AMOT: variants seen among roughly 807,000 people sequenced by gnomAD.
AMOT encodes angiomotin.
AMOT carries 11 observed loss-of-function variants against 67.0 expected under a neutral mutation model. That is an observed-to-expected ratio of 0.16 (90% CI 0.10 to 0.27). AMOT has a LOEUF of 0.27. AMOT is among the 10% of genes least tolerant of loss of function. The pLI is 1.00. For missense variants in AMOT, 753 were observed against 852.0 expected (o/e 0.88, Z 1.45); for synonymous variants, 326 against 321.4 (o/e 1.01, Z -0.15).
chrX:112,823,346 G>A (rs1934762885), intron 3 of AMOT, among the ~76,000 whole-genome samples, 158 bp from the exon 4 acceptor site: 2 of 111,820 alleles, frequency 1.8e-5, no homozygotes, highest in African/African-American at 6.5e-5. Flanking sequence ...CCAGGCCCTA[G>A]CACTGATATG....
chrX:112,790,899 AAAG>A lies in AMOT; in HGVS notation c.1927-120_1927-118del, dbSNP rs771519354. 7.3e-4 allele frequency: 493 copies of A among 675,063 alleles called. 1 individual carries two copies. Among genetic ancestry groups the A allele is most frequent in the Admixed American group, 8.9e-4 (18 of 20,270 alleles). 55.6% of individuals were successfully genotyped at this position (675,063 alleles called of 1,213,427 possible). A position where few individuals can be genotyped will look rare whatever the true frequency, so the allele number is the denominator to read the frequency against. On this transcript the variant is annotated intron_variant, in intron 9 of 13. Coordinates refer to ENST00000371959, the MANE Select transcript of AMOT (RefSeq NM_001113490.2). ...TACTTCTGTTTCGACTCTGATTCAG[AAAG>A]AAGCAGGGGGAATTCAGATCTCCTC...
chrX:112,784,294 G>T (rs1054626237), intron 10 of AMOT, among the ~76,000 whole-genome samples: 1 of 112,200 alleles, frequency 8.9e-6, no homozygotes, highest in Non-Finnish European at 1.9e-5. Flanking sequence ...AGTACACTCT[G>T]CCCCTAACAA....
rs768196978 is a variant in AMOT at position 112,802,320 on chromosome X, A to G, written c.1776+2627T>C. On this transcript the variant is annotated intron_variant, in intron 8 of 13. Transcript: ENST00000371959. ...AATTAGCAATTTCCTATATCTGAGG[A>G]TAAGCAAAAGGGATGTTTTCCTTTG... Among the ~76,000 whole-genome samples, 3 of 112,617 alleles carry G rather than the reference A, an allele frequency of 2.7e-5. No homozygotes were observed. The South Asian group carries it at 1.1e-3, about 41-fold the overall frequency.
intron 4 of AMOT, among the ~76,000 whole-genome samples, chrX:112,820,942 C>T (rs1487739361): frequency 9.4e-6 from 1 of 105,830 alleles, no homozygotes; most frequent in Non-Finnish European, 1.9e-5. Flanking sequence ...GGAAATCAAC[C>T]TGGGTTAAGA....
chrX:112,785,637 C>T (rs1489831146), intron 10 of AMOT, among the ~76,000 whole-genome samples: 2 of 111,943 alleles, frequency 1.8e-5, no homozygotes, highest in Non-Finnish European at 3.8e-5. Flanking sequence ...TAAGCCATGC[C>T]TTAGGAAGAC....
At chrX:112,826,014 A>C (rs5973963) in intron 2 of AMOT, among the ~76,000 whole-genome samples, 2,639 of 109,535 alleles carry the variant, frequency 0.024, 86 homozygotes, top group African/African-American at 0.083. Flanking sequence ...AGTAAAAAAA[A>C]CTCATAGACT....
chrX:112,833,541 ATCTGCCTCCCCTAC>A (rs1405855091), intron 1 of AMOT, among the ~76,000 whole-genome samples: 2 of 110,460 alleles, frequency 1.8e-5, no homozygotes, highest in Non-Finnish European at 3.8e-5. Flanking sequence ...TAAAAAAACA[ATCTGCCTCCCCTAC>A]TCTCTCTCTC....
intron 12 of AMOT, among the ~76,000 whole-genome samples, 196 bp from the exon 13 acceptor site, chrX:112,779,876 T>C (rs1933083471): frequency 9.0e-6 from 1 of 110,763 alleles, no homozygotes; most frequent in African/African-American, 3.3e-5. Context: ...TATTTTTGCC[T>C]CCAGGGAACC....
rs774386791 is a variant in AMOT at position 112,807,297 on chromosome X, T to A, written c.1631-2205A>T. On this transcript the variant is annotated intron_variant, in intron 7 of 13. Transcript: ENST00000371959. The stretch of plus-strand genomic sequence containing the variant: ...GACCTAATCATAGGTCTAGAGCACT[T>A]CCCTTTCCCCCAGATTTTACTATCA... Among the ~76,000 whole-genome samples the A allele has an allele frequency of 3.6e-5, 4 of 110,500 alleles. No individual in the cohort carries two copies. In the South Asian group the frequency reaches 1.6e-3, roughly 44 times the overall value.
At chrX:112,798,872 G>A (rs868050589) in intron 8 of AMOT, among the ~76,000 whole-genome samples, 1 of 111,742 alleles carries the variant, frequency 8.9e-6, no homozygotes, top group Non-Finnish European at 1.9e-5. Context: ...GTAATATTTT[G>A]AACCAGTTCC....
intron 4 of AMOT, among the ~76,000 whole-genome samples, chrX:112,817,349 G>C (rs898888295): frequency 8.9e-5 from 10 of 112,348 alleles, no homozygotes; most frequent in African/African-American, 3.2e-4. Flanking sequence ...TTGTTAGCTT[G>C]TTACTTAAAG....
rs34196603 is a variant in AMOT at position 112,788,288 on chromosome X, C to CAA, written c.2117+2302_2117+2303dup. ...TGGGCAACAGAGCGAGACTCCTTCT[C>CAA]AAAAAAAAAAAAAAATTATTTTGAA... On this transcript the variant is annotated intron_variant, in intron 10 of 13. Transcript: ENST00000371959. Among the ~76,000 whole-genome samples, 23 of 72,831 alleles carry CAA rather than the reference C, an allele frequency of 3.2e-4. No homozygotes were observed. The South Asian group carries it at 4.1e-3, about 13-fold the overall frequency. The allele number at this position is 72,831 out of a possible 115,157, so 63.2% of individuals were successfully genotyped here. A position where few individuals can be genotyped will look rare whatever the true frequency, so the allele number is the denominator to read the frequency against.
chrX:112,780,845 T>G (rs775611343), intron 12 of AMOT, 41 bp downstream of exon 12: 5 of 1,169,454 alleles, frequency 4.3e-6, no homozygotes, highest in Admixed American at 4.4e-5. Flanking sequence ...AGGGCTCTCT[T>G]TGAACACGTG....
intron 1 of AMOT, among the ~76,000 whole-genome samples, chrX:112,838,163 C>T (rs923310178): frequency 9.0e-6 from 1 of 111,494 alleles, no homozygotes; most frequent in East Asian, 2.8e-4. Context: ...TCCCCCACTC[C>T]ACCCCCACGC....
At position 112,790,452 on chromosome X, in the gene AMOT, T is replaced by C. The variant is rs1464053393; in HGVS notation, c.2117+140A>G. On this transcript the variant is annotated intron_variant, in intron 10 of 13. Coordinates refer to ENST00000371959, the MANE Select transcript of AMOT (RefSeq NM_001113490.2). ...TCTCTACAGCCGTTCATTCCCTGCATAATCAGATGAAAGAAAACACACTTA... is the reference window on the plus strand; with the variant it reads ...TCTCTACAGCCGTTCATTCCCTGCACAATCAGATGAAAGAAAACACACTTA... 4.7e-6 allele frequency: 3 copies of C among 640,012 alleles called. No homozygotes were observed. The African/African-American group carries it at 6.8e-5, about 14-fold the overall frequency. 52.7% of individuals were successfully genotyped at this position (640,012 alleles called of 1,213,427 possible).
At chrX:112,797,584 C>A (rs1447239908) in intron 8 of AMOT, among the ~76,000 whole-genome samples, 1 of 111,727 alleles carries the variant, frequency 9.0e-6, no homozygotes, top group Admixed American at 9.5e-5. Flanking sequence ...CATTCGGGAC[C>A]AGCCTGCCCA....
intron 8 of AMOT, among the ~76,000 whole-genome samples, chrX:112,802,556 T>C (rs1934049566): frequency 8.9e-6 from 1 of 112,233 alleles, no homozygotes; most frequent in East Asian, 2.8e-4. Context: ...GTAAGCCTGC[T>C]CTCCCAGTCA....
Position 112,797,333 on chromosome X carries a change from T to C in AMOT, c.1777-5352A>G, listed in dbSNP as rs113634129. On this transcript the variant is annotated intron_variant, in intron 8 of 13. Coordinates refer to ENST00000371959, the MANE Select transcript of AMOT (RefSeq NM_001113490.2). ...ATAGCCAACACAGTTTAAGCTATAA[T>C]AACACCTAACAGATCTTACTTTCAG... Among the ~76,000 whole-genome samples, 811 of 111,618 alleles carry C rather than the reference T, an allele frequency of 7.3e-3. 10 individuals carry two copies. The highest frequency in any genetic ancestry group is 0.025 in the African/African-American group (768 of 30,647).
Position 112,804,270 on chromosome X carries a change from A to G in AMOT, c.1776+677T>C, listed in dbSNP as rs149029575. Among the ~76,000 whole-genome samples, 841 of 111,619 alleles carry G rather than the reference A, an allele frequency of 7.5e-3. 10 individuals are homozygous for G. Among genetic ancestry groups the G allele is most frequent in the African/African-American group, 0.026 (791 of 30,688 alleles). ...TCTAGAAGTAGCCACTGAGAACCACAGCACAGCTTTTGGCCAGAGCATTTT... is the reference window on the plus strand; with the variant it reads ...TCTAGAAGTAGCCACTGAGAACCACGGCACAGCTTTTGGCCAGAGCATTTT... On this transcript the variant is annotated intron_variant, in intron 8 of 13. Coordinates refer to ENST00000371959, the MANE Select transcript of AMOT (RefSeq NM_001113490.2).
Sources: gnomAD v4.1 joint callset for allele counts (sites outside exome capture counted in the v4.1 genomes callset) on GRCh38, gnomAD v4.1.1 for gene constraint, MANE v1.5 for transcripts, NCBI Gene and HGNC (gene_info 2026-07-23, HGNC 2026-07-21) for gene names.